DLGAP2: variants seen among roughly 807,000 people sequenced by gnomAD.
DLGAP2 encodes disks large-associated protein 2.
In DLGAP2, 26 loss-of-function variants were observed where a neutral mutation model predicts 100.3. That is an observed-to-expected ratio of 0.26 (90% CI 0.19 to 0.36). The LOEUF is 0.36. DLGAP2 is among the 10% of genes least tolerant of loss of function. The pLI, the probability that DLGAP2 is intolerant of heterozygous loss-of-function variation, is 1.00. For synonymous variants in DLGAP2, 886 were observed against 630.1 expected (o/e 1.41, Z -6.08); for missense variants, 1,858 against 1,453.2 (o/e 1.28, Z -4.53).
chr8:1,295,125 G>A (rs1800141985), intron 3 of DLGAP2, among the ~76,000 whole-genome samples: 1 of 152,162 alleles, frequency 6.6e-6, no homozygotes, highest in African/African-American at 2.4e-5. Context: ...GGGACTGTGG[G>A]CTGTTCTCAA....
chr8:1,336,885 A>T (rs1801287126), intron 3 of DLGAP2, among the ~76,000 whole-genome samples: 2 of 152,206 alleles, frequency 1.3e-5, no homozygotes, highest in Non-Finnish European at 2.9e-5. Context: ...TTGATTCTGG[A>T]ATCAGAAAAA....
intron 3 of DLGAP2, among the ~76,000 whole-genome samples, chr8:1,296,827 C>T (rs1314620188): frequency 3.9e-5 from 6 of 152,158 alleles, no homozygotes; most frequent in South Asian, 2.1e-4. Context: ...GAGCGGCCCC[C>T]GAACCACACA....
At chr8:1,363,161 G>A (rs1418187918) in intron 3 of DLGAP2, among the ~76,000 whole-genome samples, 1 of 152,216 alleles carries the variant, frequency 6.6e-6, no homozygotes, top group Non-Finnish European at 1.5e-5. Flanking sequence ...TCTGCAGGTG[G>A]AGCTGGCTGC....
chr8:1,682,312 G>A (rs895373147), intron 12 of DLGAP2, among the ~76,000 whole-genome samples: 17 of 152,186 alleles, frequency 1.1e-4, no homozygotes, highest in African/African-American at 3.9e-4. Context: ...CCTACAAAGG[G>A]CTTTAGTGCT....
intron 3 of DLGAP2, among the ~76,000 whole-genome samples, chr8:1,374,780 C>G (rs1585312662): frequency 6.6e-6 from 1 of 152,200 alleles, no homozygotes; most frequent in Admixed American, 6.5e-5. Flanking sequence ...CACCGAGGCA[C>G]CTAACGTCAA....
chr8:1,068,204 T>C (rs933014369), intron 2 of DLGAP2, among the ~76,000 whole-genome samples: 3 of 152,184 alleles, frequency 2.0e-5, no homozygotes, highest in Non-Finnish European at 2.9e-5. Flanking sequence ...TGTTCCCTTA[T>C]GAGGGGCATC....
intron 1 of DLGAP2, among the ~76,000 whole-genome samples, chr8:855,036 G>C (rs1055026589): frequency 3.9e-5 from 6 of 152,198 alleles, no homozygotes; most frequent in Non-Finnish European, 5.9e-5. Context: ...TAGTGGGTCC[G>C]GGAGGGAGTG....
At chr8:1,276,370 A>T (rs1799696555) in intron 3 of DLGAP2, among the ~76,000 whole-genome samples, 1 of 152,014 alleles carries the variant, frequency 6.6e-6, no homozygotes, top group African/African-American at 2.4e-5. Flanking sequence ...CGCGTCGGGC[A>T]CTATCAGATG....
chr8:1,156,649 C>CCCGGCTCAGCGCG (rs1796797018), intron 2 of DLGAP2, among the ~76,000 whole-genome samples: 2 of 151,710 alleles, frequency 1.3e-5, no homozygotes, highest in African/African-American at 4.8e-5. Context: ...GGCTCAGCGC[C>CCCGGCTCAGCGCG]CCAGCCCAGC....
chr8:833,747 T>C (rs1563055243), intron 1 of DLGAP2, among the ~76,000 whole-genome samples: 1 of 152,220 alleles, frequency 6.6e-6, no homozygotes, highest in Non-Finnish European at 1.5e-5. Context: ...AGGACTTGTT[T>C]TTTATTTAAA....
At chr8:1,033,793 C>G (rs1169874427) in intron 2 of DLGAP2, among the ~76,000 whole-genome samples, 1 of 148,180 alleles carries the variant, frequency 6.7e-6, no homozygotes, top group Non-Finnish European at 1.5e-5. Context: ...ACACGCTCAT[C>G]CCGACCCCGC....
At chr8:1,598,871 T>C (rs976273263) in intron 6 of DLGAP2, among the ~76,000 whole-genome samples, 1 of 152,210 alleles carries the variant, frequency 6.6e-6, no homozygotes, top group Non-Finnish European at 1.5e-5. Context: ...TCTCCTTCAG[T>C]TCTTCTCTAA....
intron 4 of DLGAP2, among the ~76,000 whole-genome samples, chr8:1,518,631 T>C (rs752084759): frequency 3.3e-5 from 5 of 152,184 alleles, no homozygotes; most frequent in Non-Finnish European, 7.3e-5. Context: ...CCTAGTAGAC[T>C]TGAGCTCAAG....
chr8:1,455,054 C>G (rs1212885323), intron 3 of DLGAP2, among the ~76,000 whole-genome samples: 1 of 152,226 alleles, frequency 6.6e-6, no homozygotes, highest in Admixed American at 6.5e-5. Context: ...ATACCGGATG[C>G]AAGGAAGGTT....
intron 1 of DLGAP2, among the ~76,000 whole-genome samples, chr8:819,319 A>C (rs7465433): frequency 0.041 from 6,239 of 152,330 alleles, 192 homozygotes; most frequent in African/African-American, 0.079. Flanking sequence ...GCAACATAGC[A>C]GCCATCTGTG....
intron 1 of DLGAP2, among the ~76,000 whole-genome samples, chr8:756,552 C>G (rs552461783): frequency 2.6e-5 from 4 of 152,044 alleles, no homozygotes; most frequent in Non-Finnish European, 5.9e-5. Flanking sequence ...TTTCATCTCC[C>G]TGATTTCATA....
chr8:1,084,163 A>C (rs1803898687), intron 2 of DLGAP2, among the ~76,000 whole-genome samples: 2 of 152,200 alleles, frequency 1.3e-5, no homozygotes, highest in Non-Finnish European at 1.5e-5. Context: ...TTTATAGTGA[A>C]GTTAAGATTC....
intron 1 of DLGAP2, among the ~76,000 whole-genome samples, chr8:899,004 A>G (rs889465010): frequency 3.9e-5 from 6 of 152,184 alleles, no homozygotes; most frequent in African/African-American, 1.4e-4. Context: ...AAGGTGTTTA[A>G]CAAGCCCCCC....
intron 2 of DLGAP2, among the ~76,000 whole-genome samples, chr8:1,156,168 A>G (rs935558801): frequency 3.3e-5 from 5 of 152,082 alleles, no homozygotes; most frequent in African/African-American, 1.2e-4. Context: ...CTGTGTGTGA[A>G]TCACCGGGGC....
Sources: allele counts gnomAD v4.1 joint callset (sites outside exome capture counted in the v4.1 genomes callset), GRCh38; gene constraint gnomAD v4.1.1; transcripts MANE v1.5; gene names NCBI Gene and HGNC (gene_info 2026-07-23, HGNC 2026-07-21).